BCKDHB: variants seen among roughly 807,000 people sequenced by gnomAD.
BCKDHB encodes the protein branched chain keto acid dehydrogenase E1 subunit beta, also known as 2-oxoisovalerate dehydrogenase subunit beta, mitochondrial.
Under a neutral mutation model 48.5 loss-of-function variants are expected in BCKDHB, and 41 were observed. That is an observed-to-expected ratio of 0.85 (90% CI 0.66 to 1.10). The LOEUF (loss-of-function observed/expected upper bound fraction) is 1.10, where lower values mean the gene tolerates loss of function less well. BCKDHB is among the 50% of genes least tolerant of loss of function. BCKDHB has a pLI of 0.00. For synonymous variants in BCKDHB, 201 were observed against 174.8 expected (o/e 1.15, Z -1.18); for missense variants, 496 against 494.2 (o/e 1.00, Z -0.03).
intron 3 of BCKDHB, among the ~76,000 whole-genome samples, chr6:80,150,468 A>G: frequency 6.6e-6 from 1 of 152,020 alleles, no homozygotes; most frequent in Non-Finnish European, 1.5e-5. Flanking sequence ...CATATCAGTG[A>G]ATGATGTCTA....
the BCKDHB span, among the ~76,000 whole-genome samples, chr6:80,455,979 C>T: frequency 6.6e-6 from 1 of 152,100 alleles, no homozygotes; most frequent in Non-Finnish European, 1.5e-5. Context: ...AATCCCAGCA[C>T]TTTGGGAGGC....
At position 80,266,921 on chromosome 6, in the gene BCKDHB, T is replaced by G. The variant is rs145749060; in HGVS notation, c.952-6214T>G. Among the ~76,000 whole-genome samples, 762 of 152,146 alleles carry G rather than the reference T, an allele frequency of 5.0e-3. 8 individuals are homozygous for G. Among genetic ancestry groups the G allele is most frequent in the African/African-American group, 0.016 (668 of 41,518 alleles). ...GTATTCTAGTTAGGTACAGAATATT[T>G]GTTAGTTCTGAATTCCATGCTCTTG... is the stretch of plus-strand genomic sequence containing the variant. On this transcript the variant is annotated intron_variant, in intron 8 of 9. Coordinates refer to ENST00000320393, the MANE Select transcript of BCKDHB (RefSeq NM_183050.4).
chr6:80,459,700 C>G, the BCKDHB span, among the ~76,000 whole-genome samples: 12 of 151,992 alleles, frequency 7.9e-5, no homozygotes, highest in Admixed American at 7.9e-4. Flanking sequence ...CTCTCATTGG[C>G]CTATTGTTAA....
At chr6:80,225,983 T>A (rs1775661060) in intron 8 of BCKDHB, among the ~76,000 whole-genome samples, 1 of 152,238 alleles carries the variant, frequency 6.6e-6, no homozygotes, top group Admixed American at 6.5e-5. Context: ...AATGACATTT[T>A]TGTAAATGGA....
intron 9 of BCKDHB, among the ~76,000 whole-genome samples, chr6:80,339,713 A>G (rs1219586620): frequency 6.6e-6 from 1 of 152,112 alleles, no homozygotes; most frequent in Non-Finnish European, 1.5e-5. Flanking sequence ...ATCTTAGCCT[A>G]CACCTTTCTT....
chr6:80,205,709 A>G (rs1410824882), intron 8 of BCKDHB, among the ~76,000 whole-genome samples: 1 of 151,894 alleles, frequency 6.6e-6, no homozygotes, highest in Non-Finnish European at 1.5e-5. Flanking sequence ...TTAAAAAGCT[A>G]AGCTGGAGAC....
rs533791322 is a variant in BCKDHB, at chr6:80,159,059, G to GTGTTAATATTTGTTATATTTGTTAATATT, written c.344-8607_344-8606insTTATATTTGTTAATATTTGTTAATATTTG. On this transcript the variant is annotated intron_variant, in intron 3 of 9. Coordinates refer to ENST00000320393, the MANE Select transcript of BCKDHB (RefSeq NM_183050.4). Reference sequence around the variant, plus strand: ...TTTCCCTTTACTACTTTCAACTTAGGTGTTAATATTTGGTAACTCTAATAA... The same window carrying GTGTTAATATTTGTTATATTTGTTAATATT: ...TTTCCCTTTACTACTTTCAACTTAGGTGTTAATATTTGTTATATTTGTTAATATTTGTTAATATTTGGTAACTCTAATAA... Among the ~76,000 whole-genome samples the GTGTTAATATTTGTTATATTTGTTAATATT allele has an allele frequency of 5.3e-5, 8 of 152,232 alleles. No individual in the cohort carries two copies. The East Asian group carries it at 1.5e-3, about 29-fold the overall frequency.
chr6:80,433,256 G>C, the BCKDHB span, among the ~76,000 whole-genome samples: 1 of 152,120 alleles, frequency 6.6e-6, no homozygotes, highest in Non-Finnish European at 1.5e-5. Context: ...CTGAATCTGT[G>C]TCCGCAGCCA....
chr6:80,459,177 C>T, the BCKDHB span, among the ~76,000 whole-genome samples: 1 of 152,132 alleles, frequency 6.6e-6, no homozygotes, highest in Non-Finnish European at 1.5e-5. Flanking sequence ...GATATTAGCA[C>T]TCCTGTGTTC....
At chr6:80,322,238 CTTTT>C (rs776940885) in intron 9 of BCKDHB, among the ~76,000 whole-genome samples, 4 of 116,618 alleles carry the variant, frequency 3.4e-5, no homozygotes, top group Middle Eastern at 4.7e-3. Context: ...TCTTTCTTTT[CTTTT>C]TTTTTTTTTT....
chr6:80,440,315 G>A, the BCKDHB span, among the ~76,000 whole-genome samples: 12 of 152,172 alleles, frequency 7.9e-5, no homozygotes, highest in African/African-American at 2.9e-4. Flanking sequence ...AAAACAGAGA[G>A]GAGCAGGTAG....
intron 8 of BCKDHB, among the ~76,000 whole-genome samples, chr6:80,264,311 C>A (rs1295619355): frequency 6.6e-6 from 1 of 152,094 alleles, no homozygotes; most frequent in Non-Finnish European, 1.5e-5. Flanking sequence ...GGAATTTATA[C>A]AACATTAAAA....
downstream of BCKDHB, among the ~76,000 whole-genome samples, chr6:80,347,347 A>G (rs185438297): frequency 2.2e-3 from 330 of 152,336 alleles, no homozygotes; most frequent in Middle Eastern, 6.8e-3. Context: ...CATACAGAAC[A>G]TTCTGAGTTT....
chr6:80,149,524 G>A (rs1771656585), intron 3 of BCKDHB, among the ~76,000 whole-genome samples: 1 of 151,796 alleles, frequency 6.6e-6, no homozygotes, highest in Non-Finnish European at 1.5e-5. Flanking sequence ...GCACACATAT[G>A]TTTATTCACA....
At position 80,336,515 on chromosome 6, in the gene BCKDHB, C is replaced by T. The variant is rs1474893231; in HGVS notation, c.1039-7149C>T. Among the ~76,000 whole-genome samples, 16 of 40,818 alleles carry T rather than the reference C, an allele frequency of 3.9e-4. No homozygotes were observed. The East Asian group carries it at 6.7e-3, about 17-fold the overall frequency. 26.8% of individuals were successfully genotyped at this position (40,818 alleles called of 152,430 possible). On this transcript the variant is annotated intron_variant, in intron 9 of 9. Transcript: ENST00000320393. ...AAAAACCAAAAAAACAAAAAAAAAC[C>T]AAATTTACCAGATTGCCAGTAATTT...
At chr6:80,212,446 GC>G (rs1233976460) in intron 8 of BCKDHB, among the ~76,000 whole-genome samples, 4 of 151,986 alleles carry the variant, frequency 2.6e-5, no homozygotes, top group African/African-American at 9.7e-5. Flanking sequence ...GGCTCTTTTT[GC>G]CCGACCCCGC....
the BCKDHB span, chr6:80,441,310 A>G: frequency 6.6e-6 from 1 of 152,150 alleles, no homozygotes; most frequent in South Asian, 2.1e-4. Flanking sequence ...CAATTTGTTC[A>G]TAGTAACCAA....
At chr6:80,392,138 G>A in the BCKDHB span, among the ~76,000 whole-genome samples, 1,541 of 152,084 alleles carry the variant, frequency 0.01, 25 homozygotes, top group African/African-American at 0.034. Context: ...GACCACAGGT[G>A]TATGCCACCA....
chr6:80,451,061 A>G, the BCKDHB span, among the ~76,000 whole-genome samples: 3 of 152,206 alleles, frequency 2.0e-5, no homozygotes, highest in Admixed American at 6.5e-5. Context: ...TAGCCAGGAA[A>G]TAATTCAGGA....
Sources: allele counts gnomAD v4.1 joint callset (sites outside exome capture counted in the v4.1 genomes callset), GRCh38; gene constraint gnomAD v4.1.1; transcripts MANE v1.5; gene names NCBI Gene and HGNC (gene_info 2026-07-23, HGNC 2026-07-21).